SS18L2: variants seen among roughly 807,000 people sequenced by gnomAD.
The protein encoded by SS18L2 is SS18 like 2.
A neutral mutation model predicts 10.3 loss-of-function variants in SS18L2; 8 were observed. The ratio of observed to expected loss-of-function variants is 0.78; its 90% CI spans 0.46 to 1.41. The LOEUF (loss-of-function observed/expected upper bound fraction) is 1.41. Among genes scored for constraint, SS18L2 ranks in the 40% most tolerant of loss-of-function variants. The pLI is 0.00. For synonymous variants in SS18L2, 41 were observed against 34.6 expected, an observed-to-expected ratio of 1.19 and a Z score of -0.65; for missense variants, 100 against 96.2, an observed-to-expected ratio of 1.04 and a Z score of -0.17.
intron 1 of SS18L2, among the ~76,000 whole-genome samples, chr3:42,582,797 T>C (rs1244515508): frequency 1.3e-5 from 2 of 152,120 alleles, no homozygotes; most frequent in South Asian, 2.1e-4. Flanking sequence ...ATGGAGAGAT[T>C]AGCATGTATA....
chr3:42,582,467 A>T (rs527332285), intron 1 of SS18L2: 22 of 152,496 alleles, frequency 1.4e-4, no homozygotes, highest in African/African-American at 4.8e-4. Flanking sequence ...CAAGCTGGGG[A>T]CCGAGGCACC....
chr3:42,588,824 T>C (rs1425176887), upstream of SS18L2, among the ~76,000 whole-genome samples: 2 of 152,146 alleles, frequency 1.3e-5, no homozygotes, highest in African/African-American at 4.8e-5. Context: ...CTGCCCACTC[T>C]GTGTCTCTGA....
intron 1 of SS18L2, among the ~76,000 whole-genome samples, chr3:42,583,884 C>G (rs545503567): frequency 2.2e-4 from 33 of 152,288 alleles, no homozygotes; most frequent in Non-Finnish European, 3.5e-4. Context: ...AAGTATTGAG[C>G]CTTTGGACTC....
intron 1 of SS18L2, among the ~76,000 whole-genome samples, chr3:42,582,622 A>G (rs1559532911): frequency 6.6e-6 from 1 of 152,226 alleles, no homozygotes; most frequent in East Asian, 1.9e-4. Flanking sequence ...ATGTTAAGAG[A>G]GGAGGCAGGG....
chr3:42,590,841 G>GC (rs895004556), upstream of SS18L2: 626 of 1,570,650 alleles, frequency 4.0e-4, 2 homozygotes, highest in Non-Finnish European at 4.6e-4. Flanking sequence ...GAGAGCGTAG[G>GC]CCCCACCTAT....
chr3:42,585,848 C>T (rs932072091), intron 1 of SS18L2, among the ~76,000 whole-genome samples: 4 of 152,156 alleles, frequency 2.6e-5, no homozygotes, highest in African/African-American at 7.2e-5. Flanking sequence ...CACCTTTCAG[C>T]GCTCCTATTT....
chr3:42,591,961 CT>C lies in SS18L2; in HGVS notation c.146+363del, dbSNP rs148352993. ...TCTCATCTTGGATCCCTGCCTCATC[CT>C]TTCTCTGTTAAGTGAAGGGGTCAGG... On this transcript the variant is annotated intron_variant, in intron 2 of 2. Coordinates refer to ENST00000011691, the MANE Select transcript of SS18L2 (RefSeq NM_001370300.1). Among the ~76,000 whole-genome samples the C allele has an allele frequency of 1.0e-3, 159 of 152,310 alleles. 1 individual carries two copies. In the East Asian group the frequency reaches 0.026, roughly 25 times the overall value.
rs1172737924 is a variant in SS18L2, at chr3:42,595,924, G to C, written c.*1415G>C. Among the ~76,000 whole-genome samples, 1 of 152,212 alleles carries C rather than the reference G, an allele frequency of 6.6e-6. No homozygotes were observed. On this transcript the variant is annotated 3_prime_UTR_variant, in exon 3 of 3. Transcript: ENST00000011691. ...GAGGTTGTGAGACTGAGATAACGTG[G>C]TTGAGAACTGGGCACATGTTAATCT...
upstream of SS18L2, among the ~76,000 whole-genome samples, chr3:42,589,598 T>C (rs903455768): frequency 6.6e-6 from 1 of 152,170 alleles, no homozygotes; most frequent in African/African-American, 2.4e-5. Flanking sequence ...CCCCCTCAGA[T>C]CAGCGGGGGC....
chr3:42,585,892 A>T (rs1444779346), upstream of SS18L2, among the ~76,000 whole-genome samples: 1 of 151,558 alleles, frequency 6.6e-6, no homozygotes, highest in East Asian at 1.9e-4. Context: ...TCTCCCCCAA[A>T]ATCAACTTCC....
chr3:42,590,863 T>C lies in SS18L2; in HGVS notation c.-35T>C. 1 of 1,612,596 alleles carries C rather than the reference T, an allele frequency of 6.2e-7. No individual in the cohort carries two copies. Among genetic ancestry groups the C allele is most frequent in the Non-Finnish European group, 8.5e-7 (1 of 1,178,764 alleles). ...TAGGCCCCACCTATCGTGGGTCGAG[T>C]TGCTTGGCGGTCGTGGTTCCGGAGG... On this transcript the variant is annotated 5_prime_UTR_variant, in exon 1 of 3. Transcript: ENST00000011691.
upstream of SS18L2, among the ~76,000 whole-genome samples, chr3:42,588,228 C>T (rs776738432): frequency 3.3e-5 from 5 of 151,730 alleles, no homozygotes; most frequent in Non-Finnish European, 7.4e-5. Flanking sequence ...ATAGAGAAAC[C>T]CCATCTCTAC....
At chr3:42,589,057 G>A (rs1386898427), upstream of SS18L2, among the ~76,000 whole-genome samples, 1 of 151,962 alleles carries the variant, frequency 6.6e-6, no homozygotes, top group East Asian at 1.9e-4. Flanking sequence ...GAGGTCAGGA[G>A]TTCAAGACTA....
Position 42,594,598 on chromosome 3 carries a change from C to G in SS18L2, c.*89C>G. The G allele has an allele frequency of 8.9e-7, 1 of 1,120,222 alleles. No individual in the cohort carries two copies. Among genetic ancestry groups the G allele is most frequent in the Non-Finnish European group, 1.3e-6 (1 of 752,394 alleles). The allele number at this position is 1,120,222 out of a possible 1,614,324, so 69.4% of individuals were successfully genotyped here. Reference sequence around the variant, plus strand: ...ATCTCTTACAAAATGGAGACAGGGTCTTTACCAACTCAACTGGTTAAAACA... The same window carrying G: ...ATCTCTTACAAAATGGAGACAGGGTGTTTACCAACTCAACTGGTTAAAACA... On this transcript the variant is annotated 3_prime_UTR_variant, in exon 3 of 3. Coordinates refer to ENST00000011691, the MANE Select transcript of SS18L2 (RefSeq NM_001370300.1).
At chr3:42,587,454 T>A (rs1220149701), upstream of SS18L2, 1 of 151,980 alleles carries the variant, frequency 6.6e-6, no homozygotes, top group East Asian at 1.9e-4. Context: ...TCAGTCCAGG[T>A]GCGGTGGCTC....
At chr3:42,586,316 G>A (rs769254980), upstream of SS18L2, among the ~76,000 whole-genome samples, 4 of 152,106 alleles carry the variant, frequency 2.6e-5, no homozygotes, top group Non-Finnish European at 4.4e-5. Flanking sequence ...TCTGCCTGCC[G>A]GATTCAAGTG....
intron 1 of SS18L2, among the ~76,000 whole-genome samples, chr3:42,583,996 G>A (rs767705753): frequency 1.4e-4 from 21 of 152,136 alleles, no homozygotes; most frequent in Non-Finnish European, 2.9e-4. Context: ...TCTAAGACAG[G>A]GTAGTCTTGA....
In SS18L2 at chr3:42,591,395, A is replaced by G. The variant is rs1704833679; in HGVS notation, c.70-130A>G. ...TGTATTTTTAGTATGGGGTTTCCCC[A>G]TGTTGGCCAGGCTAGTCTCGAACTC... On this transcript the variant is annotated intron_variant, in intron 1 of 2. Coordinates refer to ENST00000011691, the MANE Select transcript of SS18L2 (RefSeq NM_001370300.1). The G allele has an allele frequency of 5.9e-6, 4 of 680,956 alleles. No homozygotes were observed. In the East Asian group the frequency reaches 1.0e-4, roughly 17 times the overall value. 42.2% of individuals were successfully genotyped at this position (680,956 alleles called of 1,614,324 possible).
chr3:42,596,746 G>A lies in SS18L2; in HGVS notation c.*2237G>A, dbSNP rs1295276985. On this transcript the variant is annotated 3_prime_UTR_variant, in exon 3 of 3. Transcript: ENST00000011691. ...GAGAGAGGCAGAACCTTAGAAAGGAGATATTTTATCTCATTTATTTTACAG... is the reference window on the plus strand; with the variant it reads ...GAGAGAGGCAGAACCTTAGAAAGGAAATATTTTATCTCATTTATTTTACAG... 6.6e-6 allele frequency among the ~76,000 whole-genome samples: 1 copy of A among 152,194 alleles called. No homozygotes were observed. Among genetic ancestry groups the A allele is most frequent in the Non-Finnish European group, 1.5e-5 (1 of 68,034 alleles).
Sources: allele counts gnomAD v4.1 joint callset (sites outside exome capture counted in the v4.1 genomes callset), GRCh38; gene constraint gnomAD v4.1.1; transcripts MANE v1.5; gene names NCBI Gene and HGNC (gene_info 2026-07-23, HGNC 2026-07-21).